The following EXT1 variants were observed in gnomAD, a reference collection of about 807,000 sequenced individuals.
The protein encoded by EXT1 is exostosin-1.
EXT1 carries 20 observed loss-of-function variants against 82.5 expected under a neutral mutation model. The observed-to-expected ratio is 0.24, with a 90% CI of 0.17 to 0.35. EXT1 has a LOEUF of 0.35. Among genes scored for constraint, EXT1 ranks in the 10% least tolerant of loss-of-function variants. The pLI is 1.00. For missense variants in EXT1, 757 were observed against 936.5 expected, an observed-to-expected ratio of 0.81 and a Z score of 2.50; for synonymous variants, 348 against 350.8, an observed-to-expected ratio of 0.99 and a Z score of 0.09.
At chr8:118,018,471 G>A (rs916379906) in intron 1 of EXT1, among the ~76,000 whole-genome samples, 1 of 152,158 alleles carries the variant, frequency 6.6e-6, no homozygotes, top group African/African-American at 2.4e-5. Context: ...GCCCACGGAA[G>A]GAAAACAGCC....
intron 1 of EXT1, among the ~76,000 whole-genome samples, chr8:117,935,328 T>TC (rs1480882988): frequency 1.3e-5 from 2 of 151,092 alleles, no homozygotes; most frequent in Admixed American, 1.3e-4. Flanking sequence ...TCACTTTTTT[T>TC]TTTTTTTTTT....
chr8:117,810,133 G>A (rs1014845098), intron 8 of EXT1, among the ~76,000 whole-genome samples: 2 of 152,148 alleles, frequency 1.3e-5, no homozygotes, highest in Non-Finnish European at 2.9e-5. Context: ...ACCAACATCT[G>A]TTTTCTTTTG....
intron 1 of EXT1, among the ~76,000 whole-genome samples, chr8:117,899,508 C>T (rs1813403212): frequency 6.6e-6 from 1 of 152,214 alleles, no homozygotes; most frequent in South Asian, 2.1e-4. Context: ...GACAAAGTCA[C>T]AATGACAGCT....
At chr8:118,024,492 A>T (rs535575680) in intron 1 of EXT1, among the ~76,000 whole-genome samples, 5 of 151,912 alleles carry the variant, frequency 3.3e-5, no homozygotes, top group Non-Finnish European at 7.4e-5. Context: ...ATTCCAGGTA[A>T]TGCACAGACT....
chr8:117,805,950 T>C lies in EXT1; in HGVS notation c.1884-1057A>G, dbSNP rs28357252. On this transcript the variant is annotated intron_variant, in intron 9 of 10. Transcript: ENST00000378204. ...CTTAACATGTCCAAGACTGAACCTA[T>C]ATATTTTCCCTCATACTTGTTCCAT... 5.3e-5 allele frequency among the ~76,000 whole-genome samples: 8 copies of C among 152,328 alleles called. No individual in the cohort carries two copies. The East Asian group carries it at 1.3e-3, about 26-fold the overall frequency.
At chr8:118,011,096 AG>A (rs1332229004) in intron 1 of EXT1, among the ~76,000 whole-genome samples, 2 of 152,216 alleles carry the variant, frequency 1.3e-5, no homozygotes. Context: ...TTGTCAGCAT[AG>A]CATAGCAGCC....
intron 3 of EXT1, among the ~76,000 whole-genome samples, chr8:117,833,087 A>T (rs1337864384): frequency 6.6e-6 from 1 of 152,248 alleles, no homozygotes; most frequent in Admixed American, 6.5e-5. Flanking sequence ...TAACAAAAAA[A>T]CATTTCCCAG....
intron 1 of EXT1, among the ~76,000 whole-genome samples, chr8:117,949,963 G>A (rs919396975): frequency 3.9e-5 from 6 of 152,182 alleles, no homozygotes; most frequent in East Asian, 1.9e-4. Context: ...GGTGACTCAC[G>A]CCTGTAATCC....
intron 1 of EXT1, among the ~76,000 whole-genome samples, chr8:117,849,955 A>G (rs1812426412): frequency 6.6e-6 from 1 of 152,264 alleles, no homozygotes; most frequent in Non-Finnish European, 1.5e-5. Context: ...AGCATCTGGA[A>G]TAGCTAATTT....
Position 118,025,685 on chromosome 8 carries a change from C to CCGG in EXT1, c.962+84397_962+84399dup, listed in dbSNP as rs1247822725. 2.6e-5 allele frequency among the ~76,000 whole-genome samples: 4 copies of CCGG among 152,252 alleles called. No homozygotes were observed. The East Asian group carries it at 5.8e-4, about 22-fold the overall frequency. ...GGCTAAATGATGGGGCTGTGAACCT[C>CCGG]CGGCAAAGCGGTTTTAGGCACAGGA... is the stretch of plus-strand genomic sequence containing the variant. On this transcript the variant is annotated intron_variant, in intron 1 of 10. Transcript: ENST00000378204.
chr8:117,969,055 T>A (rs1814886654), intron 1 of EXT1, among the ~76,000 whole-genome samples: 1 of 152,158 alleles, frequency 6.6e-6, no homozygotes, highest in East Asian at 1.9e-4. Flanking sequence ...ATTGGGAAGA[T>A]AAGACTTTTA....
intron 1 of EXT1, among the ~76,000 whole-genome samples, chr8:117,841,399 G>T (rs377434605): frequency 6.6e-6 from 1 of 152,230 alleles, no homozygotes; most frequent in Non-Finnish European, 1.5e-5. Flanking sequence ...CCATTGGTTG[G>T]GGGGAGGAGG....
intron 1 of EXT1, among the ~76,000 whole-genome samples, chr8:117,937,881 CT>C (rs1433913692): frequency 6.6e-6 from 1 of 152,196 alleles, no homozygotes; most frequent in African/African-American, 2.4e-5. Flanking sequence ...TGTAATCAGC[CT>C]GGTATTTCTC....
Position 118,039,107 on chromosome 8 carries a change from G to A in EXT1, c.962+70978C>T, listed in dbSNP as rs150760034. On this transcript the variant is annotated intron_variant, in intron 1 of 10. Transcript: ENST00000378204. ...TGTATCCAGTCACCTGGGACACTCA[G>A]CATAATAAACATTTGTAAGGATGAA... Among the ~76,000 whole-genome samples the A allele has an allele frequency of 2.0e-3, 307 of 152,298 alleles. 2 individuals are homozygous for A. The highest frequency in any genetic ancestry group is 7.1e-3 in the African/African-American group (297 of 41,560).
At chr8:118,108,556 A>G (rs748482272) in intron 1 of EXT1, among the ~76,000 whole-genome samples, 44 of 152,358 alleles carry the variant, frequency 2.9e-4, no homozygotes, top group Middle Eastern at 3.4e-3. Context: ...ACATTCATAC[A>G]TAACTGCCCC....
intron 1 of EXT1, among the ~76,000 whole-genome samples, chr8:118,076,435 T>C (rs1468064514): frequency 6.6e-6 from 1 of 152,250 alleles, no homozygotes; most frequent in Admixed American, 6.5e-5. Context: ...CCTCCATCAC[T>C]GTTACTCCCA....
At chr8:117,871,958 C>T (rs1563586576) in intron 1 of EXT1, among the ~76,000 whole-genome samples, 1 of 152,038 alleles carries the variant, frequency 6.6e-6, no homozygotes, top group African/African-American at 2.4e-5. Context: ...GACCTTGTCT[C>T]TGCTAAAAAT....
chr8:117,917,661 T>C (rs928128952), intron 1 of EXT1, among the ~76,000 whole-genome samples: 1 of 152,158 alleles, frequency 6.6e-6, no homozygotes, highest in Non-Finnish European at 1.5e-5. Flanking sequence ...ACTCACACTT[T>C]CTGATGTGCG....
intron 6 of EXT1, among the ~76,000 whole-genome samples, chr8:117,819,203 C>T (rs1356266286): frequency 6.6e-6 from 1 of 152,104 alleles, no homozygotes; most frequent in Non-Finnish European, 1.5e-5. Flanking sequence ...ATATTGTTAC[C>T]ATAGGCATAA....
Sources: gnomAD v4.1 joint callset for allele counts (sites outside exome capture counted in the v4.1 genomes callset) on GRCh38, gnomAD v4.1.1 for gene constraint, MANE v1.5 for transcripts, NCBI Gene and HGNC (gene_info 2026-07-23, HGNC 2026-07-21) for gene names.